ATP6V0A2: variants seen among roughly 807,000 people sequenced by gnomAD.
ATP6V0A2 encodes ATPase H+ transporting V0 subunit a2.
Under a neutral mutation model 104.4 loss-of-function variants are expected in ATP6V0A2, and 58 were observed. The ratio of observed to expected loss-of-function variants is 0.56; its 90% CI spans 0.45 to 0.69. The LOEUF (loss-of-function observed/expected upper bound fraction) is 0.69, where lower values mean the gene tolerates loss of function less well. ATP6V0A2 is among the 30% of genes least tolerant of loss of function. ATP6V0A2 has a pLI of 0.00. For missense variants in ATP6V0A2, 938 were observed against 1,062.9 expected, an observed-to-expected ratio of 0.88 and a Z score of 1.63; for synonymous variants, 376 against 397.9, an observed-to-expected ratio of 0.95 and a Z score of 0.65.
intron 18 of ATP6V0A2, among the ~76,000 whole-genome samples, chr12:123,755,237 G>A (rs1025247025): frequency 6.6e-6 from 1 of 152,060 alleles, no homozygotes; most frequent in Non-Finnish European, 1.5e-5. Context: ...GGGTTCAGAC[G>A]TAGAAAAGAA....
At chr12:123,733,583 T>G (rs1485657177) in intron 6 of ATP6V0A2, 2 of 324,184 alleles carry the variant, frequency 6.2e-6, no homozygotes, top group South Asian at 3.1e-5. Flanking sequence ...AGCACAGAAG[T>G]GTGAAAAACA....
chr12:123,751,013 A>G (rs547747434), intron 15 of ATP6V0A2, 97 bp from the exon 16 acceptor site: 2 of 1,524,606 alleles, frequency 1.3e-6, no homozygotes, highest in East Asian at 4.5e-5. Flanking sequence ...CCTCGCGTGG[A>G]GACATTGTTC....
At chr12:123,712,727 G>A in intron 1 of ATP6V0A2, 45 bp downstream of exon 1, 3 of 1,523,296 alleles carry the variant, frequency 2.0e-6, no homozygotes, top group African/African-American at 1.4e-5. Flanking sequence ...CTCTCCTGGC[G>A]CCCCCAATCC....
chr12:123,743,903 A>G lies in ATP6V0A2; in HGVS notation c.1157A>G (p.Tyr386Cys), dbSNP rs373387853. 8.1e-6 allele frequency: 13 copies of G among 1,614,098 alleles called. No homozygotes were observed. Among genetic ancestry groups the G allele is most frequent in the Non-Finnish European group, 2.5e-6 (3 of 1,180,040 alleles). Residue 386 changes from tyrosine (Y) to cysteine (C), a missense_variant, in exon 10 of 20, where the codon TAT becomes TGT. Tyr to Cys is a radical substitution (Grantham distance 194). Transcript: ENST00000330342. The stretch of plus-strand genomic sequence containing the variant: ...GGATTTCAGAACATCGTGGATGCTT[A>G]TGGAGTCGGAAGCTACAGAGAAGTC... ...TEGFQNIVDA[Y>C]GVGSYREVNP... is the part of the protein sequence containing the mutation.
intron 7 of ATP6V0A2, 86 bp from the exon 8 acceptor site, chr12:123,735,445 T>C: frequency 3.1e-6 from 4 of 1,302,452 alleles, no homozygotes. Flanking sequence ...TTTCATTCCG[T>C]TTTGCCAGAA....
chr12:123,758,985 C>G lies in ATP6V0A2; in HGVS notation c.*953C>G, dbSNP rs1956788293. On this transcript the variant is annotated 3_prime_UTR_variant, in exon 20 of 20. Transcript: ENST00000330342. ...TTTTTAAAGACTCTTATCCTGTTACCCTTACATAAAACCAGTTATGATAAT... is the reference window on the plus strand; with the variant it reads ...TTTTTAAAGACTCTTATCCTGTTACGCTTACATAAAACCAGTTATGATAAT... The G allele has an allele frequency of 6.6e-6, 1 of 152,456 alleles. No individual in the cohort carries two copies. Among genetic ancestry groups the G allele is most frequent in the Non-Finnish European group, 1.5e-5 (1 of 68,030 alleles). 9.4% of individuals were successfully genotyped at this position (152,456 alleles called of 1,614,324 possible).
intron 1 of ATP6V0A2, among the ~76,000 whole-genome samples, chr12:123,717,296 CA>C (rs1956351583): frequency 8.1e-6 from 1 of 123,132 alleles, no homozygotes; most frequent in African/African-American, 3.3e-5. Context: ...GCCTGGGCAA[CA>C]GAGCGAAACT....
rs1378380031 is a variant in ATP6V0A2 at position 123,751,195 on chromosome 12, T to C, written c.2021T>C (p.Leu674Pro). The stretch of plus-strand genomic sequence containing the variant: ...GGAAAGCCACTGTTTTTGTTGTGGC[T>C]TCACAATGGGCGTAGTTGCTTCGGG... ...FLGKPLFLLW[L>P]HNGRSCFGVN... Residue 674 changes from leucine (L) to proline (P), a missense_variant, in exon 16 of 20, where the codon CTT becomes CCT. Transcript: ENST00000330342. 6.2e-7 allele frequency: 1 copy of C among 1,614,208 alleles called. No homozygotes were observed. The highest frequency in any genetic ancestry group is 8.5e-7 in the Non-Finnish European group (1 of 1,180,044).
Position 123,760,568 on chromosome 12 carries a change from AAT to A in ATP6V0A2, c.*2539_*2540del, listed in dbSNP as rs1353823476. On this transcript the variant is annotated 3_prime_UTR_variant, in exon 20 of 20. Coordinates refer to ENST00000330342, the MANE Select transcript of ATP6V0A2 (RefSeq NM_012463.4). ...ATGGCAAGTTGTGTGGATGATACTG[AAT>A]ATGTTTATTTTCCTAAAGATAAATG... 2 of 152,310 alleles carry A rather than the reference AAT, an allele frequency of 1.3e-5. No individual in the cohort carries two copies. Among genetic ancestry groups the A allele is most frequent in the Middle Eastern group, 3.4e-3 (1 of 294 alleles). The allele number at this position is 152,310 out of a possible 1,614,324, so 9.4% of individuals were successfully genotyped here.
rs1956408589 is a variant in ATP6V0A2 at position 123,722,427 on chromosome 12, G to C, written c.273G>C (p.Leu91=). ...AGGCCAGCCCTCCTGCGCCACCCCT[G>C]AAACAGGTTCTAGAAATGCAGGTAA... The part of the protein sequence containing the change: ...EGEASPPAPP[L]KQVLEMQEQL... Residue 91 remains leucine, a synonymous_variant, in exon 3 of 20, where the codon CTG becomes CTC. Transcript: ENST00000330342. The C allele has an allele frequency of 6.2e-7, 1 of 1,611,128 alleles. No homozygotes were observed.
intron 7 of ATP6V0A2, among the ~76,000 whole-genome samples, chr12:123,735,184 G>A (rs984626272): frequency 8.0e-5 from 12 of 150,614 alleles, no homozygotes; most frequent in African/African-American, 2.7e-4. Flanking sequence ...TGTCTGTTGT[G>A]TGTCTGTGTG....
chr12:123,726,943 T>C (rs1956453629), intron 5 of ATP6V0A2, among the ~76,000 whole-genome samples: 1 of 152,214 alleles, frequency 6.6e-6, no homozygotes. Context: ...AATTTAAGCC[T>C]CAAACCTGAG....
At chr12:123,724,180 C>T (rs1220781361) in intron 3 of ATP6V0A2, 2 of 151,830 alleles carry the variant, frequency 1.3e-5, no homozygotes, top group Admixed American at 6.6e-5. Flanking sequence ...ACCTCCATCT[C>T]CTGGGTTCAC....
At chr12:123,735,038 C>T (rs909611179) in intron 7 of ATP6V0A2, among the ~76,000 whole-genome samples, 4 of 152,090 alleles carry the variant, frequency 2.6e-5, no homozygotes, top group South Asian at 2.1e-4. Flanking sequence ...GGACACAGCT[C>T]GTCATTCCCT....
chr12:123,737,121 C>T lies in ATP6V0A2; in HGVS notation c.888C>T (p.Tyr296=). The change falls in exon 9 of 20, where the codon TAC becomes TAT. Residue 296 remains tyrosine, a synonymous_variant. Coordinates refer to ENST00000330342, the MANE Select transcript of ATP6V0A2 (RefSeq NM_012463.4). Reference sequence around the variant, plus strand: ...TATGTAAAGCCGCCGAGTCTGTCTACAGCCGTGTGATCCAGGTGAAGAAAA... The same window carrying T: ...TATGTAAAGCCGCCGAGTCTGTCTATAGCCGTGTGATCCAGGTGAAGAAAA... ...QVLCKAAESV[Y]SRVIQVKKMK... The T allele has an allele frequency of 1.2e-6, 2 of 1,614,238 alleles. No individual in the cohort carries two copies. Among genetic ancestry groups the T allele is most frequent in the Non-Finnish European group, 1.7e-6 (2 of 1,180,038 alleles).
Position 123,748,766 on chromosome 12 carries a change from G to C in ATP6V0A2, c.1916G>C (p.Ser639Thr), listed in dbSNP as rs1446327300. ...NMFLFPASKT[S>T]GLYTGQEYVQ... is the part of the protein sequence containing the mutation. ...TTTTTATTCCCAGCCAGTAAAACAA[G>C]TGGCCTTTACACAGGGCAGGTGAGT... The change falls in exon 15 of 20, where the codon AGT becomes ACT. Residue 639 changes from serine (S) to threonine (T), a missense_variant. Ser to Thr is a moderately conservative substitution (Grantham distance 58, BLOSUM62 1). Coordinates refer to ENST00000330342, the MANE Select transcript of ATP6V0A2 (RefSeq NM_012463.4). 1 of 1,613,964 alleles carries C rather than the reference G, an allele frequency of 6.2e-7. No homozygotes were observed. Among genetic ancestry groups the C allele is most frequent in the Non-Finnish European group, 8.5e-7 (1 of 1,180,000 alleles).
chr12:123,719,004 C>T (rs969613160), intron 2 of ATP6V0A2, among the ~76,000 whole-genome samples: 5 of 152,106 alleles, frequency 3.3e-5, no homozygotes, highest in Non-Finnish European at 5.9e-5. Context: ...TACCCATCAT[C>T]GTTTTTGATG....
At chr12:123,745,026 C>G in intron 13 of ATP6V0A2, 54 bp downstream of exon 13, 1 of 1,534,440 alleles carries the variant, frequency 6.5e-7, no homozygotes. Context: ...TGCCACCTAG[C>G]TTCGGGCGCC....
intron 9 of ATP6V0A2, among the ~76,000 whole-genome samples, chr12:123,740,260 T>A (rs1956596536): frequency 6.6e-6 from 1 of 151,266 alleles, no homozygotes; most frequent in Admixed American, 6.6e-5. Flanking sequence ...TGGAGTACAG[T>A]GGCATGATAC....
Sources: gnomAD v4.1 joint callset for allele counts (sites outside exome capture counted in the v4.1 genomes callset) on GRCh38, gnomAD v4.1.1 for gene constraint, MANE v1.5 for transcripts, NCBI Gene and HGNC (gene_info 2026-07-23, HGNC 2026-07-21) for gene names.